Variants in GCN1 observed in about 807,000 individuals in gnomAD.
GCN1 encodes stalled ribosome sensor GCN1.
In GCN1, 90 loss-of-function variants were observed where a neutral mutation model predicts 288.4. The observed-to-expected ratio is 0.31, with a 90% CI of 0.26 to 0.37. The LOEUF (loss-of-function observed/expected upper bound fraction) is 0.37, where lower values mean the gene tolerates loss of function less well. GCN1 is among the 10% of genes least tolerant of loss of function. The pLI, the probability that GCN1 is intolerant of heterozygous loss-of-function variation, is 1.00. For missense variants in GCN1, 2,586 were observed against 3,419.9 expected, an observed-to-expected ratio of 0.76 and a Z score of 6.08; for synonymous variants, 1,386 against 1,420.2, an observed-to-expected ratio of 0.98 and a Z score of 0.54.
rs762497965 is a variant in GCN1, at chr12:120,131,944, G to A, written c.7396C>T (p.Leu2466=). The A allele has an allele frequency of 1.9e-6, 3 of 1,603,052 alleles. No homozygotes were observed. The highest frequency in any genetic ancestry group is 2.6e-6 in the Non-Finnish European group (3 of 1,173,492). ...TACTTACCCAGCAAGCACTGCTGTA[G>A]AACGGCACTAAGCTCCTCTTCAGTC... ...FLTEEELSAV[L]QQCLLADVSG... is the part of the protein sequence containing the mutation. The change falls in exon 54 of 58, where the codon CTA becomes TTA. Residue 2466 remains leucine, a synonymous_variant. Transcript: ENST00000300648.
In GCN1 at chr12:120,165,036, C is replaced by T. The variant is rs7301175; in HGVS notation, c.1613-315G>A. Among the ~76,000 whole-genome samples the T allele has an allele frequency of 7.0e-3, 669 of 94,986 alleles. 6 individuals are homozygous for T. The highest frequency in any genetic ancestry group is 0.019 in the African/African-American group (541 of 28,818). 62.3% of individuals were successfully genotyped at this position (94,986 alleles called of 152,430 possible). ...ACACACACACACACACACACACACA[C>T]ATATATATATATATATTTTTTTTTT... On this transcript the variant is annotated intron_variant, in intron 16 of 57. Transcript: ENST00000300648.
chr12:120,153,180 C>G lies in GCN1; in HGVS notation c.4062+33G>C. 6.3e-7 allele frequency: 1 copy of G among 1,592,726 alleles called. No homozygotes were observed. Among genetic ancestry groups the G allele is most frequent in the South Asian group, 1.1e-5 (1 of 90,422 alleles). On this transcript the variant is annotated intron_variant, in intron 33 of 57. Coordinates refer to ENST00000300648, the MANE Select transcript of GCN1 (RefSeq NM_006836.2). The surrounding 1 kb of genome is among the most constrained non-coding windows in gnomAD (Gnocchi z 4.4). ...CACAGCCGGGTCCCAATTCTCTAAC[C>G]GACATGTGGGTCCCAGGCCAGATGG...
chr12:120,131,105 G>A, intron 55 of GCN1, 80 bp downstream of exon 55: 1 of 1,298,454 alleles, frequency 7.7e-7, no homozygotes. Flanking sequence ...CCCCAGTCTG[G>A]GGTCCACCCG....
At chr12:120,163,321 C>T (rs558895367) in intron 18 of GCN1, 62 bp from the exon 19 acceptor site, 8 of 1,349,988 alleles carry the variant, frequency 5.9e-6, no homozygotes, top group Admixed American at 1.7e-5. Context: ...AACACAGGAA[C>T]CAAATATGCT....
intron 1 of GCN1, 108 bp downstream of exon 1, chr12:120,194,572 G>T: frequency 9.5e-7 from 1 of 1,052,596 alleles, no homozygotes; most frequent in Non-Finnish European, 1.4e-6. Context: ...GACCTCCACA[G>T]CCACCACCTC....
chr12:120,137,699 G>A lies in GCN1; in HGVS notation c.6509C>T (p.Ala2170Val). 1 of 1,614,188 alleles carries A rather than the reference G, an allele frequency of 6.2e-7. No homozygotes were observed. The highest frequency in any genetic ancestry group is 8.5e-7 in the Non-Finnish European group (1 of 1,180,030). The change falls in exon 49 of 58, where the codon GCT (alanine) becomes GTT (valine). Residue 2170 changes from alanine to valine, a missense_variant. Ala to Val is a moderately conservative substitution (Grantham distance 64). Transcript: ENST00000300648. This position sits in a 1 kb window ranked among gnomAD's most constrained non-coding sequence, Gnocchi z 5.2. ...GTAGATGTTGAGGATGATGGCAGCA[G>A]CTTGCCTCATGCCCACCTCAGGGCT... ...TRSPEVGMRQ[A>V]AAIILNIYCS...
Position 120,153,081 on chromosome 12 carries a change from G to A in GCN1, c.4062+132C>T, listed in dbSNP as rs1226591253. On this transcript the variant is annotated intron_variant, in intron 33 of 57. Coordinates refer to ENST00000300648, the MANE Select transcript of GCN1 (RefSeq NM_006836.2). The surrounding 1 kb of genome is among the most constrained non-coding windows in gnomAD (Gnocchi z 4.4). ...ACCAGGCTCTCCCCTGCGAGAGGGGGTGAATCCTTAACAAGAACTGGGCTT... is the reference window on the plus strand; with the variant it reads ...ACCAGGCTCTCCCCTGCGAGAGGGGATGAATCCTTAACAAGAACTGGGCTT... 16 of 697,618 alleles carry A rather than the reference G, an allele frequency of 2.3e-5. No individual in the cohort carries two copies. The highest frequency in any genetic ancestry group is 5.4e-5 in the East Asian group (2 of 36,710). 43.2% of individuals were successfully genotyped at this position (697,618 alleles called of 1,614,324 possible). A position where few individuals can be genotyped will look rare whatever the true frequency, so the allele number is the denominator to read the frequency against.
intron 14 of GCN1, among the ~76,000 whole-genome samples, chr12:120,170,809 C>T (rs1364130328): frequency 6.6e-6 from 1 of 151,822 alleles, no homozygotes; most frequent in South Asian, 2.1e-4. Flanking sequence ...AGATGACCTT[C>T]GGACCCAAAT....
chr12:120,159,679 G>T, intron 24 of GCN1, 146 bp downstream of exon 24: 1 of 682,538 alleles, frequency 1.5e-6, no homozygotes, highest in Non-Finnish European at 2.6e-6. Context: ...TATCCAGCTT[G>T]AGTCTCCAAG....
chr12:120,181,465 C>CAAAAAAAAA (rs71072594), intron 5 of GCN1, among the ~76,000 whole-genome samples: 2,279 of 73,454 alleles, frequency 0.031, 311 homozygotes, highest in African/African-American at 0.12. Flanking sequence ...ATCTTTGTCT[C>CAAAAAAAAA]AAAAAAAAAA....
At chr12:120,190,224 C>CA (rs34357352) in intron 2 of GCN1, 74 bp downstream of exon 2, 62,572 of 569,170 alleles carry the variant, frequency 0.11, 1,338 homozygotes, top group African/African-American at 0.2. Context: ...GACTCTGTCT[C>CA]AAAAAAAAAA....
intron 14 of GCN1, among the ~76,000 whole-genome samples, chr12:120,171,374 G>A (rs1878309474): frequency 6.6e-6 from 1 of 152,034 alleles, no homozygotes; most frequent in African/African-American, 2.4e-5. Context: ...GGCTGAGGTT[G>A]GAGAATCGCT....
chr12:120,148,288 A>G lies in GCN1; in HGVS notation c.4605T>C (p.Cys1535=), dbSNP rs147653156. ...TAAGCTTGGGCACAATGTTGGGTAG[A>G]CAGGATGACAGCTGCTTAGGAGCAC... ...AYCAPKQLSS[C]LPNIVPKLTE... is the part of the protein sequence containing the mutation. The change falls in exon 37 of 58, where the codon TGT becomes TGC. Residue 1535 remains cysteine (C), a synonymous_variant. Transcript: ENST00000300648. 27 of 1,614,100 alleles carry G rather than the reference A, an allele frequency of 1.7e-5. No individual in the cohort carries two copies. The highest frequency in any genetic ancestry group is 2.2e-5 in the Non-Finnish European group (26 of 1,179,970).
Position 120,127,802 on chromosome 12 carries a change from A to G in GCN1, c.*47T>C. ...CAAATGTATTTTCAAAAATGAAAAC[A>G]TTGAGCAAAGATGTGGAGCGGCAAT... On this transcript the variant is annotated 3_prime_UTR_variant, in exon 58 of 58. Transcript: ENST00000300648. 2 of 1,589,344 alleles carry G rather than the reference A, an allele frequency of 1.3e-6. No individual in the cohort carries two copies. The highest frequency in any genetic ancestry group is 1.7e-6 in the Non-Finnish European group (2 of 1,163,808).
chr12:120,182,475 C>T (rs114587334), intron 5 of GCN1, among the ~76,000 whole-genome samples: 1,579 of 152,312 alleles, frequency 0.01, 13 homozygotes, highest in African/African-American at 0.02. Flanking sequence ...ATCACTGGCA[C>T]CTACCTGCCT....
Position 120,155,755 on chromosome 12 carries a change from T to C in GCN1, c.3313-36A>G. The stretch of plus-strand genomic sequence containing the variant: ...TGGGATTGGACCGTGTGAGGCATCA[T>C]CTTTCAGAAGAGCCTCTGACCTGCC... On this transcript the variant is annotated intron_variant, in intron 28 of 57. Transcript: ENST00000300648. This position sits in a 1 kb window ranked among gnomAD's most constrained non-coding sequence, Gnocchi z 4.9. 6.2e-7 allele frequency: 1 copy of C among 1,611,506 alleles called. No homozygotes were observed. The highest frequency in any genetic ancestry group is 1.3e-5 in the African/African-American group (1 of 74,986).
At chr12:120,190,623 A>G (rs1594292919) in intron 1 of GCN1, among the ~76,000 whole-genome samples, 2 of 151,674 alleles carry the variant, frequency 1.3e-5, no homozygotes, top group South Asian at 4.2e-4. Flanking sequence ...CACCTTCCCC[A>G]CCCGCCCCAG....
chr12:120,175,255 A>G, intron 11 of GCN1, 43 bp from the exon 12 acceptor site: 1 of 1,542,972 alleles, frequency 6.5e-7, no homozygotes, highest in South Asian at 1.1e-5. Context: ...CATATGCCAC[A>G]TTTCCCAAGA....
intron 33 of GCN1, among the ~76,000 whole-genome samples, chr12:120,152,159 A>C (rs1034334682): frequency 6.6e-6 from 1 of 152,036 alleles, no homozygotes; most frequent in Non-Finnish European, 1.5e-5. Flanking sequence ...TCTCCTGAGT[A>C]GCTAGGAACA....
Sources: allele counts gnomAD v4.1 joint callset (sites outside exome capture counted in the v4.1 genomes callset), GRCh38; gene constraint gnomAD v4.1.1; non-coding constraint Gnocchi (gnomAD v3.1); transcripts MANE v1.5; gene names NCBI Gene and HGNC (gene_info 2026-07-23, HGNC 2026-07-21).